Variants in ZNF804A observed in about 807,000 individuals in gnomAD.
ZNF804A encodes the protein zinc finger protein 804A.
In ZNF804A, 2 loss-of-function variants were observed where a neutral mutation model predicts 16.5. That is an observed-to-expected ratio of 0.12 (90% CI 0.05 to 0.38). ZNF804A has a LOEUF of 0.38. Among genes scored for constraint, ZNF804A ranks in the 10% least tolerant of loss-of-function variants. The pLI is 0.99. For synonymous variants in ZNF804A, 534 were observed against 489.6 expected, an observed-to-expected ratio of 1.09 and a Z score of -1.20; for missense variants, 1,473 against 1,390.7, an observed-to-expected ratio of 1.06 and a Z score of -0.94.
At chr2:184,711,049 G>A (rs1188758136) in intron 1 of ZNF804A, among the ~76,000 whole-genome samples, 1 of 151,690 alleles carries the variant, frequency 6.6e-6, no homozygotes, top group African/African-American at 2.4e-5. Flanking sequence ...TCATATATTA[G>A]TTCCATATTT....
At chr2:184,620,575 T>C (rs943473796) in intron 1 of ZNF804A, among the ~76,000 whole-genome samples, 1 of 151,802 alleles carries the variant, frequency 6.6e-6, no homozygotes, top group African/African-American at 2.4e-5. Context: ...TCTCCCTTTA[T>C]GAAACCTCTG....
rs1381830095 is a variant in ZNF804A, at chr2:184,937,726, A to G, written c.2330A>G (p.His777Arg). 6.2e-7 allele frequency: 1 copy of G among 1,614,026 alleles called. No individual in the cohort carries two copies. The highest frequency in any genetic ancestry group is 1.1e-5 in the South Asian group (1 of 91,074). Residue 777 changes from histidine (H) to arginine (R), a missense_variant, in exon 4 of 4, where the codon CAT becomes CGT. His to Arg is a conservative substitution (Grantham distance 29). Transcript: ENST00000302277. The stretch of plus-strand genomic sequence containing the variant: ...TATCGAAAACGTAGACAACATTCAC[A>G]TTCTTATTCTTCAGATGAAAGTTTA... Reference protein sequence around the residue: ...RFYRKRRQHSHSYSSDESLNR... With the variant: ...RFYRKRRQHSRSYSSDESLNR...
chr2:184,873,295 C>T (rs1696001758), intron 2 of ZNF804A, among the ~76,000 whole-genome samples: 1 of 152,076 alleles, frequency 6.6e-6, no homozygotes, highest in African/African-American at 2.4e-5. Context: ...TGAGATCAGC[C>T]TGGGCAATAT....
intron 2 of ZNF804A, among the ~76,000 whole-genome samples, chr2:184,924,232 T>C (rs1685574821): frequency 6.6e-6 from 1 of 151,994 alleles, no homozygotes; most frequent in Admixed American, 6.6e-5. Flanking sequence ...CTTTTTATTA[T>C]GGCTTCCATC....
At chr2:184,650,401 A>G (rs1233718657) in intron 1 of ZNF804A, among the ~76,000 whole-genome samples, 1 of 152,180 alleles carries the variant, frequency 6.6e-6, no homozygotes, top group Non-Finnish European at 1.5e-5. Flanking sequence ...ATCTAGAACA[A>G]GACAAGGATG....
intron 1 of ZNF804A, among the ~76,000 whole-genome samples, chr2:184,619,085 G>C (rs11900132): frequency 0.27 from 41,589 of 151,876 alleles, 5,911 homozygotes; most frequent in African/African-American, 0.33. Flanking sequence ...AAAACACCTT[G>C]TGATGTGTGA....
chr2:184,777,235 A>G (rs6755385), intron 1 of ZNF804A, among the ~76,000 whole-genome samples: 11,416 of 151,650 alleles, frequency 0.075, 1,463 homozygotes, highest in African/African-American at 0.26. Context: ...ATAGTAACCA[A>G]CTGGACCCAC....
chr2:184,695,383 C>T (rs959115370), intron 1 of ZNF804A, among the ~76,000 whole-genome samples: 1 of 148,330 alleles, frequency 6.7e-6, no homozygotes, highest in Non-Finnish European at 1.5e-5. Context: ...ATGGCGTGAA[C>T]CCGGTAGGCG....
chr2:184,715,885 C>A (rs555139921), intron 1 of ZNF804A, among the ~76,000 whole-genome samples: 1 of 152,044 alleles, frequency 6.6e-6, no homozygotes, highest in Non-Finnish European at 1.5e-5. Context: ...CTTTGCTTCA[C>A]GCGGGTTTTG....
At chr2:184,787,643 T>C (rs1694469223) in intron 1 of ZNF804A, among the ~76,000 whole-genome samples, 1 of 152,014 alleles carries the variant, frequency 6.6e-6, no homozygotes, top group Admixed American at 6.6e-5. Context: ...GTTGGCCACT[T>C]GTATTTCTTC....
chr2:184,700,208 TG>T (rs1692898213), intron 1 of ZNF804A, among the ~76,000 whole-genome samples: 1 of 152,284 alleles, frequency 6.6e-6, no homozygotes, highest in South Asian at 2.1e-4. Context: ...CAAGCATTTT[TG>T]TTAGATGTCC....
At chr2:184,887,639 A>C (rs1461016322) in intron 2 of ZNF804A, among the ~76,000 whole-genome samples, 1 of 152,194 alleles carries the variant, frequency 6.6e-6, no homozygotes, top group Non-Finnish European at 1.5e-5. Flanking sequence ...TAGCAAGAGA[A>C]AACGAGGAGG....
chr2:184,876,894 A>G (rs1052244853), intron 2 of ZNF804A, among the ~76,000 whole-genome samples: 1 of 152,102 alleles, frequency 6.6e-6, no homozygotes, highest in Non-Finnish European at 1.5e-5. Flanking sequence ...CAAAAGAAAA[A>G]AGAATGCAAG....
At chr2:184,783,555 T>C (rs550224778) in intron 1 of ZNF804A, among the ~76,000 whole-genome samples, 1 of 152,028 alleles carries the variant, frequency 6.6e-6, no homozygotes, top group South Asian at 2.1e-4. Context: ...GAAATGAGTC[T>C]CTTTCTGTCT....
At chr2:184,683,875 A>G (rs1053960173) in intron 1 of ZNF804A, among the ~76,000 whole-genome samples, 1 of 152,162 alleles carries the variant, frequency 6.6e-6, no homozygotes, top group Non-Finnish European at 1.5e-5. Context: ...TAATGCTTTA[A>G]TAATATCTAA....
chr2:184,652,652 G>A (rs568604692), intron 1 of ZNF804A, among the ~76,000 whole-genome samples: 29 of 152,156 alleles, frequency 1.9e-4, no homozygotes, highest in Middle Eastern at 6.8e-3. Context: ...ACCTTTCTAA[G>A]CATATTTCCT....
chr2:184,608,957 GA>G (rs1199354028), intron 1 of ZNF804A, among the ~76,000 whole-genome samples: 2 of 152,122 alleles, frequency 1.3e-5, no homozygotes. Context: ...GAGCAAAAAA[GA>G]AAAGAAGTTT....
chr2:184,685,242 C>A (rs116428507), intron 1 of ZNF804A, among the ~76,000 whole-genome samples: 2,208 of 152,116 alleles, frequency 0.015, 63 homozygotes, highest in African/African-American at 0.05. Context: ...GCTGCAGGCC[C>A]CCATGTCTAG....
At chr2:184,926,706 C>T (rs1308068791) in intron 2 of ZNF804A, among the ~76,000 whole-genome samples, 1 of 151,996 alleles carries the variant, frequency 6.6e-6, no homozygotes, top group Non-Finnish European at 1.5e-5. Flanking sequence ...TAACCTTTTG[C>T]TTTTGTCTCC....
Sources: allele counts gnomAD v4.1 joint callset (sites outside exome capture counted in the v4.1 genomes callset), GRCh38; gene constraint gnomAD v4.1.1; transcripts MANE v1.5; gene names NCBI Gene and HGNC (gene_info 2026-07-23, HGNC 2026-07-21).